LHX6: variants seen among roughly 807,000 people sequenced by gnomAD.
LHX6 encodes the protein LIM homeobox 6.
In LHX6, 15 loss-of-function variants were observed where a neutral mutation model predicts 47.1. The ratio of observed to expected loss-of-function variants is 0.32; its 90% CI spans 0.21 to 0.49. The LOEUF (loss-of-function observed/expected upper bound fraction) is 0.49, where lower values mean the gene tolerates loss of function less well. Ranked by LOEUF, LHX6 falls within the 20% of genes least tolerant of loss-of-function variation. LHX6 has a pLI of 0.99. For synonymous variants in LHX6, 242 were observed against 233.5 expected (o/e 1.04, Z -0.33); for missense variants, 404 against 539.6 (o/e 0.75, Z 2.49).
intron 1 of LHX6, 150 bp downstream of exon 1, chr9:122,228,507 G>A (rs1831206775): frequency 3.7e-6 from 5 of 1,366,598 alleles, no homozygotes; most frequent in Non-Finnish European, 3.8e-6. Context: ...CCGCTCGCGC[G>A]CGCGCTCCCA....
intron 9 of LHX6, among the ~76,000 whole-genome samples, chr9:122,206,997 G>T (rs1020533571): frequency 3.3e-5 from 5 of 152,030 alleles, no homozygotes; most frequent in Non-Finnish European, 7.4e-5. Flanking sequence ...CAAGTTTCTC[G>T]CCTACTCCAG....
At chr9:122,212,156 A>G (rs1016184590) in intron 8 of LHX6, among the ~76,000 whole-genome samples, 4 of 152,224 alleles carry the variant, frequency 2.6e-5, no homozygotes, top group Non-Finnish European at 1.5e-5. Flanking sequence ...TGCTCAGAAC[A>G]CTGCTTTGAG....
chr9:122,228,522 C>T, intron 1 of LHX6, 135 bp downstream of exon 1: 1 of 1,389,450 alleles, frequency 7.2e-7, no homozygotes, highest in South Asian at 1.5e-5. Flanking sequence ...CTCCCACACT[C>T]ACAAGCACAC....
rs990793153 is a variant in LHX6 at position 122,213,312 on chromosome 9, G to A, written c.1054+294C>T. Among the ~76,000 whole-genome samples, 6 of 152,080 alleles carry A rather than the reference G, an allele frequency of 3.9e-5. No homozygotes were observed. Among genetic ancestry groups the A allele is most frequent in the East Asian group, 1.9e-4 (1 of 5,178 alleles). On this transcript the variant is annotated intron_variant, in intron 8 of 9. Transcript: ENST00000394319. The surrounding 1 kb of genome is among the most constrained non-coding windows in gnomAD (Gnocchi z 5.5). The stretch of plus-strand genomic sequence containing the variant: ...CTCCACAGAGTAGGTACCTTGTCCA[G>A]CCTGTTCTCTCCCCAGTCTCCGGGC...
At position 122,213,590 on chromosome 9, in the gene LHX6, C is replaced by A. The variant is rs1215240712; in HGVS notation, c.1054+16G>T. On this transcript the variant is annotated intron_variant, in intron 8 of 9. Coordinates refer to ENST00000394319, the MANE Select transcript of LHX6 (RefSeq NM_014368.5). This position sits in a 1 kb window ranked among gnomAD's most constrained non-coding sequence, Gnocchi z 5.5. ...TCCCCGCAGGCCCAGCGGCTCCCGG[C>A]GCTGCGGTTACTTACTCTCAATGTA... is the stretch of plus-strand genomic sequence containing the variant. The A allele has an allele frequency of 3.2e-6, 5 of 1,546,448 alleles. No individual in the cohort carries two copies. The highest frequency in any genetic ancestry group is 1.8e-5 in the Admixed American group (1 of 54,512).
In LHX6 at chr9:122,217,436, T is replaced by G. The variant is rs1420240482; in HGVS notation, c.462-148A>C. The stretch of plus-strand genomic sequence containing the variant: ...AGCCTTAGCTTGGACGCAACAACAC[T>G]CTACACCTAGTCCCACCTAGGAGAT... On this transcript the variant is annotated intron_variant, in intron 4 of 9. Coordinates refer to ENST00000394319, the MANE Select transcript of LHX6 (RefSeq NM_014368.5). The surrounding 1 kb of genome is among the most constrained non-coding windows in gnomAD (Gnocchi z 4.9). 6.5e-6 allele frequency: 4 copies of G among 610,968 alleles called. No homozygotes were observed. The highest frequency in any genetic ancestry group is 8.6e-6 in the Non-Finnish European group (3 of 348,594). 37.8% of individuals were successfully genotyped at this position (610,968 alleles called of 1,614,324 possible).
intron 1 of LHX6, chr9:122,228,142 G>T: frequency 6.8e-6 from 3 of 439,358 alleles, no homozygotes; most frequent in Non-Finnish European, 1.2e-5. Context: ...CGGCGAAATT[G>T]AAGCAGCTAT....
intron 5 of LHX6, among the ~76,000 whole-genome samples, chr9:122,215,760 GA>G (rs1262077363): frequency 6.6e-6 from 1 of 152,216 alleles, no homozygotes; most frequent in African/African-American, 2.4e-5. Context: ...CCTGGCAGGA[GA>G]AAATGATGGC....
In LHX6 at chr9:122,214,170, G is replaced by T; in HGVS notation, c.784-101C>A. 7.1e-7 allele frequency: 1 copy of T among 1,399,742 alleles called. No homozygotes were observed. Among genetic ancestry groups the T allele is most frequent in the Non-Finnish European group, 9.5e-7 (1 of 1,049,206 alleles). 86.7% of individuals were successfully genotyped at this position (1,399,742 alleles called of 1,614,324 possible). On this transcript the variant is annotated intron_variant, in intron 6 of 9. Coordinates refer to ENST00000394319, the MANE Select transcript of LHX6 (RefSeq NM_014368.5). This position sits in a 1 kb window ranked among gnomAD's most constrained non-coding sequence, Gnocchi z 4.6. ...CACAGGCCACGCCCCAGGCAGCTGC[G>T]GCCCCGCCCCGCCACCCGGGTCCGG...
intron 4 of LHX6, among the ~76,000 whole-genome samples, chr9:122,221,921 G>A (rs1303586455): frequency 6.6e-6 from 1 of 152,156 alleles, no homozygotes; most frequent in Non-Finnish European, 1.5e-5. Flanking sequence ...CTACCACTTA[G>A]CCCTGTGACC....
At position 122,226,540 on chromosome 9, in the gene LHX6, CTT is replaced by C; in HGVS notation, c.340-45_340-44del. ...ACGGAGGTCGGCTCAGCGCGGGCCTCTTTCACTCCGGGCCCCAGCCTTCCCGG... is the reference window on the plus strand; with the variant it reads ...ACGGAGGTCGGCTCAGCGCGGGCCTCTCACTCCGGGCCCCAGCCTTCCCGG... On this transcript the variant is annotated intron_variant, in intron 3 of 9. Coordinates refer to ENST00000394319, the MANE Select transcript of LHX6 (RefSeq NM_014368.5). This position sits in a 1 kb window ranked among gnomAD's most constrained non-coding sequence, Gnocchi z 6.5. The C allele has an allele frequency of 6.3e-7, 1 of 1,595,896 alleles. No individual in the cohort carries two copies.
rs1831092769 is a variant in LHX6, at chr9:122,226,269, C to G, written c.461+107G>C. On this transcript the variant is annotated intron_variant, in intron 4 of 9. Coordinates refer to ENST00000394319, the MANE Select transcript of LHX6 (RefSeq NM_014368.5). The surrounding 1 kb of genome is among the most constrained non-coding windows in gnomAD (Gnocchi z 6.5). Reference sequence around the variant, plus strand: ...CAGCGCTGCGCGCCGGAAGTGCACTCGGGACGCCGGGGTTCTGGAGGAGAG... The same window carrying G: ...CAGCGCTGCGCGCCGGAAGTGCACTGGGGACGCCGGGGTTCTGGAGGAGAG... 1.4e-6 allele frequency: 2 copies of G among 1,412,570 alleles called. No homozygotes were observed. The highest frequency in any genetic ancestry group is 1.9e-6 in the Non-Finnish European group (2 of 1,056,930). 87.5% of individuals were successfully genotyped at this position (1,412,570 alleles called of 1,614,324 possible). A position where few individuals can be genotyped will look rare whatever the true frequency, so the allele number is the denominator to read the frequency against.
chr9:122,209,578 G>C (rs960189445), intron 9 of LHX6, 36 bp downstream of exon 9: 2 of 1,613,220 alleles, frequency 1.2e-6, no homozygotes, highest in East Asian at 4.5e-5. Flanking sequence ...CAGCAGGGTG[G>C]CTCTGACCCA....
chr9:122,203,933 T>C lies in LHX6; in HGVS notation c.*827A>G, dbSNP rs1207828771. 1 of 152,230 alleles carries C rather than the reference T, an allele frequency of 6.6e-6. No individual in the cohort carries two copies. The highest frequency in any genetic ancestry group is 1.5e-5 in the Non-Finnish European group (1 of 68,060). 9.4% of individuals were successfully genotyped at this position (152,230 alleles called of 1,614,324 possible). On this transcript the variant is annotated 3_prime_UTR_variant, in exon 10 of 10. Transcript: ENST00000394319. ...CAGAAGAGTCATGGCACAGATCGAA[T>C]ACCATCGCTGCTATGTTTCTTACAT...
chr9:122,218,524 C>T (rs968308775), intron 4 of LHX6, among the ~76,000 whole-genome samples: 1 of 152,154 alleles, frequency 6.6e-6, no homozygotes, highest in Non-Finnish European at 1.5e-5. Flanking sequence ...GCAACCCTCA[C>T]TGTCAACCTC....
intron 1 of LHX6, chr9:122,227,755 CCT>C (rs1708005955): frequency 1.9e-6 from 1 of 515,616 alleles, no homozygotes; most frequent in South Asian, 4.3e-5. Flanking sequence ...GCAATCCAAG[CCT>C]CTGAGGGGGG....
At chr9:122,208,677 CA>C (rs1223662944) in intron 9 of LHX6, among the ~76,000 whole-genome samples, 1 of 151,490 alleles carries the variant, frequency 6.6e-6, no homozygotes, top group Non-Finnish European at 1.5e-5. Flanking sequence ...ACTAAAAATA[CA>C]AAAAAATTAG....
chr9:122,214,226 G>T lies in LHX6; in HGVS notation c.783+57C>A. The T allele has an allele frequency of 1.4e-6, 2 of 1,472,708 alleles. No individual in the cohort carries two copies. Among genetic ancestry groups the T allele is most frequent in the Non-Finnish European group, 1.8e-6 (2 of 1,105,566 alleles). 91.2% of individuals were successfully genotyped at this position (1,472,708 alleles called of 1,614,324 possible). On this transcript the variant is annotated intron_variant, in intron 6 of 9. Transcript: ENST00000394319. The surrounding 1 kb of genome is among the most constrained non-coding windows in gnomAD (Gnocchi z 4.6). Reference sequence around the variant, plus strand: ...GGGGCGGAGCCAGGAGACATTGTCGGCCCCGCCCACTTTCGGCCCGGCCCC... The same window carrying T: ...GGGGCGGAGCCAGGAGACATTGTCGTCCCCGCCCACTTTCGGCCCGGCCCC...
chr9:122,221,681 A>T (rs1023084242), intron 4 of LHX6: 64 of 985,322 alleles, frequency 6.5e-5, no homozygotes, highest in Non-Finnish European at 7.2e-5. Flanking sequence ...TGCTCCATTC[A>T]CAGGCCTCTG....
Sources: allele counts gnomAD v4.1 joint callset (sites outside exome capture counted in the v4.1 genomes callset), GRCh38; gene constraint gnomAD v4.1.1; non-coding constraint Gnocchi (gnomAD v3.1); transcripts MANE v1.5; gene names NCBI Gene and HGNC (gene_info 2026-07-23, HGNC 2026-07-21).